SMIM36: variants seen among roughly 807,000 people sequenced by gnomAD.
SMIM36 encodes small integral membrane protein 36.
the SMIM36 span, among the ~76,000 whole-genome samples, chr17:55,524,235 T>C: frequency 6.6e-6 from 1 of 152,200 alleles, no homozygotes; most frequent in Non-Finnish European, 1.5e-5. Context: ...CATCCATGTT[T>C]CTGCAAAAGA....
intron 1 of SMIM36, among the ~76,000 whole-genome samples, chr17:55,497,284 A>G (rs12938570): frequency 0.66 from 99,939 of 151,830 alleles, 33,598 homozygotes; most frequent in African/African-American, 0.78. Flanking sequence ...TATTTTTTGA[A>G]ACAGAGTCTC....
intron 4 of SMIM36, among the ~76,000 whole-genome samples, chr17:55,464,960 T>C (rs1909210489): frequency 6.6e-6 from 1 of 152,236 alleles, no homozygotes; most frequent in African/African-American, 2.4e-5. Flanking sequence ...TACCTGACTT[T>C]ATAGCAGTTC....
intron 4 of SMIM36, among the ~76,000 whole-genome samples, chr17:55,460,104 T>A (rs1909111792): frequency 6.6e-6 from 1 of 152,194 alleles, no homozygotes; most frequent in Admixed American, 6.5e-5. Context: ...CAAAGTCCTA[T>A]ATGTTGTTAA....
intron 3 of SMIM36, among the ~76,000 whole-genome samples, chr17:55,469,342 A>G (rs1939958091): frequency 6.6e-6 from 1 of 151,784 alleles, no homozygotes; most frequent in Admixed American, 6.6e-5. Flanking sequence ...TCTTTATCCA[A>G]CCTCTCCCAA....
chr17:55,453,489 T>G (rs1908961642), intron 4 of SMIM36, among the ~76,000 whole-genome samples: 1 of 152,200 alleles, frequency 6.6e-6, no homozygotes, highest in Admixed American at 6.5e-5. Context: ...TACCAGGATC[T>G]TTGTTCTGGG....
At chr17:55,510,622 C>T (rs772045524) in intron 1 of SMIM36, among the ~76,000 whole-genome samples, 1 of 152,126 alleles carries the variant, frequency 6.6e-6, no homozygotes, top group Non-Finnish European at 1.5e-5. Flanking sequence ...CAACAAAAAA[C>T]TGGTTGCCTT....
At chr17:55,462,477 G>A (rs1461180144) in intron 4 of SMIM36, among the ~76,000 whole-genome samples, 4 of 152,134 alleles carry the variant, frequency 2.6e-5, no homozygotes, top group Non-Finnish European at 5.9e-5. Flanking sequence ...CAGGTGGCAT[G>A]TGCCTGTAGT....
chr17:55,524,295 C>T, the SMIM36 span, among the ~76,000 whole-genome samples: 160 of 152,244 alleles, frequency 1.1e-3, no homozygotes, highest in African/African-American at 3.8e-3. Context: ...GGTGTATATG[C>T]ACCACATTTT....
chr17:55,510,221 C>T (rs963760030), intron 1 of SMIM36, among the ~76,000 whole-genome samples: 2 of 61,402 alleles, frequency 3.3e-5, no homozygotes, highest in Non-Finnish European at 9.2e-5. Flanking sequence ...TAGTTGTATG[C>T]ATTCCTTATT....
intron 1 of SMIM36, among the ~76,000 whole-genome samples, chr17:55,492,553 C>T (rs551963685): frequency 1.3e-4 from 20 of 151,552 alleles, no homozygotes; most frequent in African/African-American, 4.4e-4. Context: ...CCACTGCGCC[C>T]GGCTTCCCCT....
chr17:55,458,377 A>C (rs527708497), intron 4 of SMIM36: 18 of 152,206 alleles, frequency 1.2e-4, no homozygotes, highest in African/African-American at 4.1e-4. Flanking sequence ...GGAAGGGAAG[A>C]CCCTGGTCTC....
chr17:55,527,689 G>A, the SMIM36 span: 8 of 152,106 alleles, frequency 5.3e-5, no homozygotes, highest in African/African-American at 1.9e-4. Flanking sequence ...CCTTCTTGGA[G>A]AGAAACACTG....
chr17:55,507,946 G>T (rs1041641423), intron 1 of SMIM36, among the ~76,000 whole-genome samples: 4 of 152,094 alleles, frequency 2.6e-5, no homozygotes, highest in African/African-American at 4.8e-5. Flanking sequence ...GAGCTCTGCT[G>T]GCAGTCCCTT....
intron 1 of SMIM36, among the ~76,000 whole-genome samples, chr17:55,502,987 A>G (rs1024948059): frequency 8.6e-5 from 13 of 151,490 alleles, no homozygotes; most frequent in Non-Finnish European, 4.4e-5. Context: ...ATGGAAGACG[A>G]AATGAATGAA....
chr17:55,514,740 CAGAT>C (rs1910239186), upstream of SMIM36, among the ~76,000 whole-genome samples: 1 of 152,120 alleles, frequency 6.6e-6, no homozygotes, highest in African/African-American at 2.4e-5. Flanking sequence ...TTAATAATAC[CAGAT>C]AAATATGTGT....
intron 4 of SMIM36, among the ~76,000 whole-genome samples, chr17:55,463,308 C>T (rs904615481): frequency 6.6e-6 from 1 of 152,056 alleles, no homozygotes; most frequent in African/African-American, 2.4e-5. Context: ...AATCCCAGCA[C>T]TTTGGGAGGC....
the SMIM36 span, among the ~76,000 whole-genome samples, chr17:55,522,222 C>T: frequency 1.1e-3 from 168 of 152,314 alleles, no homozygotes; most frequent in Non-Finnish European, 1.8e-3. Flanking sequence ...TTGCATAGTA[C>T]CTGTTCTATC....
chr17:55,519,242 T>C, the SMIM36 span, among the ~76,000 whole-genome samples: 1 of 152,046 alleles, frequency 6.6e-6, no homozygotes, highest in Non-Finnish European at 1.5e-5. Context: ...TTAAGCAGAT[T>C]GGAGGTTAGT....
intron 4 of SMIM36, among the ~76,000 whole-genome samples, chr17:55,466,170 G>A (rs533508481): frequency 6.7e-4 from 102 of 151,452 alleles, no homozygotes; most frequent in Middle Eastern, 3.4e-3. Context: ...CCAGCTACTA[G>A]GGAGGCTGAG....
Sources: gnomAD v4.1 joint callset for allele counts (sites outside exome capture counted in the v4.1 genomes callset) on GRCh38, gnomAD v4.1.1 for gene constraint, MANE v1.5 for transcripts, NCBI Gene and HGNC (gene_info 2026-07-23, HGNC 2026-07-21) for gene names.